The following UGCG variants were observed in gnomAD, a reference collection of about 807,000 sequenced individuals.
The protein encoded by UGCG is UDP-glucose ceramide glucosyltransferase, also known as ceramide glucosyltransferase.
A neutral mutation model predicts 49.5 loss-of-function variants in UGCG; 10 were observed. The ratio of observed to expected loss-of-function variants is 0.20; its 90% CI spans 0.12 to 0.34. UGCG has a LOEUF of 0.34. UGCG is among the 10% of genes least tolerant of loss of function. The pLI is 1.00. For synonymous variants in UGCG, 182 were observed against 158.2 expected, an observed-to-expected ratio of 1.15 and a Z score of -1.13; for missense variants, 312 against 483.7, an observed-to-expected ratio of 0.65 and a Z score of 3.33.
intron 3 of UGCG, 109 bp downstream of exon 3, chr9:111,923,060 T>A: frequency 1.5e-6 from 1 of 666,152 alleles, no homozygotes; most frequent in Non-Finnish European, 2.4e-6. Flanking sequence ...TTTAAACATG[T>A]TTGTTGGAGT....
chr9:111,915,785 G>T, intron 2 of UGCG: 1 of 985,154 alleles, frequency 1.0e-6, no homozygotes, highest in Non-Finnish European at 1.2e-6. Flanking sequence ...TAGCACCAAT[G>T]AAAAGAATAG....
At position 111,897,143 on chromosome 9, in the gene UGCG, C is replaced by G; in HGVS notation, c.-73C>G. On this transcript the variant is annotated 5_prime_UTR_variant, in exon 1 of 9. Transcript: ENST00000374279. ...CGCGCCCCCGCACCGGGCGCCCACC[C>G]TGTCCTCCTCCTGCGGGAGCGTTGT... is the stretch of plus-strand genomic sequence containing the variant. The G allele has an allele frequency of 1.4e-6, 2 of 1,416,662 alleles. No homozygotes were observed. Among genetic ancestry groups the G allele is most frequent in the Non-Finnish European group, 1.9e-6 (2 of 1,048,330 alleles). 87.8% of individuals were successfully genotyped at this position (1,416,662 alleles called of 1,614,324 possible). A position where few individuals can be genotyped will look rare whatever the true frequency, so the allele number is the denominator to read the frequency against.
chr9:111,914,376 G>A (rs969563322), intron 1 of UGCG, among the ~76,000 whole-genome samples: 9 of 152,066 alleles, frequency 5.9e-5, no homozygotes, highest in African/African-American at 1.9e-4. Context: ...TTAAAAAATC[G>A]CAAAAAATCT....
In UGCG at chr9:111,934,615, T is replaced by C. The variant is rs1249260257; in HGVS notation, c.*1618T>C. The C allele has an allele frequency of 6.6e-6, 1 of 152,240 alleles. No individual in the cohort carries two copies. The highest frequency in any genetic ancestry group is 2.1e-4 in the South Asian group (1 of 4,836). 9.4% of individuals were successfully genotyped at this position (152,240 alleles called of 1,614,324 possible). On this transcript the variant is annotated 3_prime_UTR_variant, in exon 9 of 9. Transcript: ENST00000374279. Reference sequence around the variant, plus strand: ...CACTTTACTGAGCCAATTCATTTAATTGTCAAATGTCTATATCCATGGTTT... The same window carrying C: ...CACTTTACTGAGCCAATTCATTTAACTGTCAAATGTCTATATCCATGGTTT...
intron 1 of UGCG, among the ~76,000 whole-genome samples, chr9:111,899,328 G>A (rs1374106499): frequency 6.6e-6 from 1 of 152,130 alleles, no homozygotes; most frequent in East Asian, 1.9e-4. Flanking sequence ...GCCCCATTTT[G>A]CCTTACAAAC....
At chr9:111,905,109 C>G (rs575677171) in intron 1 of UGCG, among the ~76,000 whole-genome samples, 1 of 152,178 alleles carries the variant, frequency 6.6e-6, no homozygotes, top group East Asian at 1.9e-4. Context: ...ACCCTTTGGC[C>G]CTTTCACTCA....
chr9:111,927,824 C>G (rs1838352818), intron 5 of UGCG, among the ~76,000 whole-genome samples: 1 of 152,140 alleles, frequency 6.6e-6, no homozygotes, highest in South Asian at 2.1e-4. Context: ...CCACCACCCC[C>G]TTCTGGGCCC....
chr9:111,905,985 G>A (rs1248241445), intron 1 of UGCG, among the ~76,000 whole-genome samples: 1 of 152,084 alleles, frequency 6.6e-6, no homozygotes, highest in Non-Finnish European at 1.5e-5. Context: ...TTGCTTTGCT[G>A]GGCTCTGGAG....
intron 2 of UGCG, among the ~76,000 whole-genome samples, chr9:111,921,613 T>G (rs1437281807): frequency 1.3e-5 from 2 of 148,544 alleles, no homozygotes; most frequent in African/African-American, 5.0e-5. Flanking sequence ...ATCATGCCAC[T>G]GCACTCCAAC....
At chr9:111,917,977 CAG>C (rs1443246274) in intron 2 of UGCG, among the ~76,000 whole-genome samples, 1 of 152,124 alleles carries the variant, frequency 6.6e-6, no homozygotes, top group Non-Finnish European at 1.5e-5. Context: ...AATCAACTAT[CAG>C]AGTTCTTAAC....
chr9:111,929,200 T>C lies in UGCG; in HGVS notation c.559-300T>C, dbSNP rs556432662. ...AAGTAGATGTGTGTGTATATTTACA[T>C]GAACACCCTAAAAACAAGATACATT... On this transcript the variant is annotated intron_variant, in intron 5 of 8. Coordinates refer to ENST00000374279, the MANE Select transcript of UGCG (RefSeq NM_003358.3). 2.3e-5 allele frequency: 6 copies of C among 262,698 alleles called. No individual in the cohort carries two copies. In the East Asian group the frequency reaches 6.5e-4, roughly 28 times the overall value. The allele number at this position is 262,698 out of a possible 1,614,324, so 16.3% of individuals were successfully genotyped here.
At chr9:111,929,748 C>T in intron 6 of UGCG, 70 bp downstream of exon 6, 1 of 1,546,276 alleles carries the variant, frequency 6.5e-7, no homozygotes, top group South Asian at 1.2e-5. Flanking sequence ...TTTTGTTCAA[C>T]CTATAGATTA....
In UGCG at chr9:111,931,319, C is replaced by T; in HGVS notation, c.786C>T (p.Gly262=). ...CTCAAGTTGCAATGCAAAACTCTGG[C>T]TCATATTCAATTTCTCAGTTTCAAT... ...MSTQVAMQNS[G]SYSISQFQSR... The change falls in exon 7 of 9, where the codon GGC becomes GGT. Residue 262 remains glycine, a synonymous_variant. Coordinates refer to ENST00000374279, the MANE Select transcript of UGCG (RefSeq NM_003358.3). The T allele has an allele frequency of 1.2e-6, 2 of 1,613,818 alleles. No homozygotes were observed.
At chr9:111,921,656 A>G (rs1838222983) in intron 2 of UGCG, among the ~76,000 whole-genome samples, 2 of 151,478 alleles carry the variant, frequency 1.3e-5, no homozygotes, top group South Asian at 2.1e-4. Context: ...CTCAAAAAAA[A>G]AAAAAAAGTT....
chr9:111,923,399 T>C (rs1838261174), intron 3 of UGCG, among the ~76,000 whole-genome samples: 1 of 151,858 alleles, frequency 6.6e-6, no homozygotes, highest in South Asian at 2.1e-4. Flanking sequence ...ATGTGGTCTC[T>C]CTAAAAAACC....
rs117043774 is a variant in UGCG, at chr9:111,932,727, A to T, written c.1015-100A>T. The T allele has an allele frequency of 0.016, 18,240 of 1,136,006 alleles. 404 individuals carry two copies. Among genetic ancestry groups the T allele is most frequent in the East Asian group, 0.056 (2,340 of 41,700 alleles). The allele number at this position is 1,136,006 out of a possible 1,614,324, so 70.4% of individuals were successfully genotyped here. On this transcript the variant is annotated intron_variant, in intron 8 of 8. Transcript: ENST00000374279. ...CATAAGGAAGCAGACTTGATTTTAC[A>T]TAGTATACTTAGAAAAGTGAAATCC...
Position 111,905,601 on chromosome 9 carries a change from G to A in UGCG, c.98+8288G>A, listed in dbSNP as rs145516344. Among the ~76,000 whole-genome samples the A allele has an allele frequency of 9.7e-3, 1,472 of 151,620 alleles. 27 individuals carry two copies. Among genetic ancestry groups the A allele is most frequent in the African/African-American group, 0.033 (1,348 of 41,312 alleles). ...CTCCCAAGTTGCTGGGATTACAGGC[G>A]CACCACCGTGCCCGGCTAATTTTTG... is the stretch of plus-strand genomic sequence containing the variant. On this transcript the variant is annotated intron_variant, in intron 1 of 8. Coordinates refer to ENST00000374279, the MANE Select transcript of UGCG (RefSeq NM_003358.3).
chr9:111,916,080 C>T (rs1838105146), intron 2 of UGCG, among the ~76,000 whole-genome samples: 1 of 151,496 alleles, frequency 6.6e-6, no homozygotes, highest in Non-Finnish European at 1.5e-5. Flanking sequence ...CTTGTTTTTT[C>T]AAACTAAAAA....
intron 2 of UGCG, among the ~76,000 whole-genome samples, chr9:111,921,802 ATTTTTTTTTTT>A (rs71373800): frequency 2.5e-4 from 14 of 55,536 alleles, no homozygotes; most frequent in East Asian, 8.1e-4. Flanking sequence ...CCCCAGGGTG[ATTTTTTTTTTT>A]TTTTTTTTTT....
Sources: allele counts gnomAD v4.1 joint callset (sites outside exome capture counted in the v4.1 genomes callset), GRCh38; gene constraint gnomAD v4.1.1; transcripts MANE v1.5; gene names NCBI Gene and HGNC (gene_info 2026-07-23, HGNC 2026-07-21).